Variants in RPS6KA3 observed in about 807,000 individuals in gnomAD.
RPS6KA3 encodes the protein ribosomal protein S6 kinase A3, also known as ribosomal protein S6 kinase alpha-3.
Under a neutral mutation model 67.2 loss-of-function variants are expected in RPS6KA3, and 4 were observed. The observed-to-expected ratio is 0.06, with a 90% CI of 0.03 to 0.14. The LOEUF (loss-of-function observed/expected upper bound fraction) is 0.14. Ranked by LOEUF, RPS6KA3 falls within the 10% of genes least tolerant of loss-of-function variation. RPS6KA3 has a pLI of 1.00. For synonymous variants in RPS6KA3, 182 were observed against 183.7 expected (o/e 0.99, Z 0.07); for missense variants, 204 against 559.0 (o/e 0.36, Z 6.40).
chrX:20,150,610 TTTAAA>T lies in RPS6KA3; in HGVS notation c.*4783_*4787del, dbSNP rs914641266. 11 of 112,513 alleles carry T rather than the reference TTTAAA, an allele frequency of 9.8e-5. No individual in the cohort carries two copies. The highest frequency in any genetic ancestry group is 3.6e-4 in the African/African-American group (11 of 30,930). The allele number at this position is 112,513 out of a possible 1,213,427, so 9.3% of individuals were successfully genotyped here. A position where few individuals can be genotyped will look rare whatever the true frequency, so the allele number is the denominator to read the frequency against. ...CTTGCTTTGTACGTGAAAGTTCTATTTTAAATACTTGTTTGAAAAACTCATTATAC... is the reference window on the plus strand; with the variant it reads ...CTTGCTTTGTACGTGAAAGTTCTATTTACTTGTTTGAAAAACTCATTATAC... On this transcript the variant is annotated 3_prime_UTR_variant, in exon 22 of 22. Transcript: ENST00000379565.
At chrX:20,225,535 C>T (rs190298928) in intron 2 of RPS6KA3, among the ~76,000 whole-genome samples, 145 of 111,222 alleles carry the variant, frequency 1.3e-3, no homozygotes, top group African/African-American at 4.6e-3. Context: ...AGAGTTAGAA[C>T]GGCAGACAAT....
chrX:20,172,912 T>G (rs1216688244), intron 14 of RPS6KA3, 41 bp from the exon 15 acceptor site: 2 of 1,132,647 alleles, frequency 1.8e-6, no homozygotes, highest in African/African-American at 3.6e-5. Context: ...CCATAATGCC[T>G]TTAGTGCATT....
At chrX:20,187,082 G>A (rs147825306) in intron 9 of RPS6KA3, among the ~76,000 whole-genome samples, 2,639 of 111,156 alleles carry the variant, frequency 0.024, 86 homozygotes, top group African/African-American at 0.082. Flanking sequence ...CGCCCAGCCT[G>A]ATTTTTGTAT....
chrX:20,242,613 A>T (rs1463236096), intron 1 of RPS6KA3, among the ~76,000 whole-genome samples: 3 of 112,033 alleles, frequency 2.7e-5, no homozygotes, highest in Non-Finnish European at 5.6e-5. Context: ...AAGAATAAAA[A>T]ATGTAAAATA....
intron 1 of RPS6KA3, among the ~76,000 whole-genome samples, chrX:20,238,561 TTTC>T (rs1189781695): frequency 9.0e-6 from 1 of 111,309 alleles, no homozygotes; most frequent in Non-Finnish European, 1.9e-5. Flanking sequence ...TACAATAAAC[TTTC>T]TTTTCTCAAA....
intron 2 of RPS6KA3, among the ~76,000 whole-genome samples, chrX:20,232,690 G>A (rs2069303115): frequency 8.9e-6 from 1 of 112,105 alleles, no homozygotes; most frequent in South Asian, 3.7e-4. Context: ...TAATAGACAT[G>A]GAGTTAATAT....
intron 1 of RPS6KA3, among the ~76,000 whole-genome samples, chrX:20,237,898 C>T (rs2069456999): frequency 9.0e-6 from 1 of 111,455 alleles, no homozygotes; most frequent in Non-Finnish European, 1.9e-5. Context: ...TACTACCTCA[C>T]TAGGCACTAT....
intron 20 of RPS6KA3, among the ~76,000 whole-genome samples, chrX:20,159,802 T>C (rs2067266040): frequency 8.9e-6 from 1 of 112,186 alleles, no homozygotes; most frequent in Non-Finnish European, 1.9e-5. Context: ...TAGCTAAGAA[T>C]TACTGCTCCA....
intron 14 of RPS6KA3, among the ~76,000 whole-genome samples, chrX:20,173,460 C>A (rs1427415977): frequency 8.9e-6 from 1 of 112,017 alleles, no homozygotes; most frequent in African/African-American, 3.2e-5. Context: ...TAGCCTTACA[C>A]AACTTATGCT....
At chrX:20,226,623 C>T (rs1348801806) in intron 2 of RPS6KA3, among the ~76,000 whole-genome samples, 1 of 112,159 alleles carries the variant, frequency 8.9e-6, no homozygotes, top group Non-Finnish European at 1.9e-5. Context: ...TTTGCCTGAT[C>T]ACACCAGTTA....
At chrX:20,160,569 G>A (rs1050460033) in intron 20 of RPS6KA3, among the ~76,000 whole-genome samples, 1 of 110,609 alleles carries the variant, frequency 9.0e-6, no homozygotes, top group Non-Finnish European at 1.9e-5. Flanking sequence ...TGGGATTACA[G>A]GCACCTGCTA....
intron 2 of RPS6KA3, among the ~76,000 whole-genome samples, chrX:20,224,705 C>G (rs1275129430): frequency 9.0e-6 from 1 of 111,282 alleles, no homozygotes; most frequent in Non-Finnish European, 1.9e-5. Context: ...TGAAGATGAT[C>G]AACTTGAAAC....
chrX:20,168,755 G>A (rs1195693324), intron 16 of RPS6KA3, among the ~76,000 whole-genome samples: 4 of 112,363 alleles, frequency 3.6e-5, no homozygotes, highest in Non-Finnish European at 7.5e-5. Flanking sequence ...AAAAATAACT[G>A]TACAAACATA....
chrX:20,258,516 C>T (rs2070135209), intron 1 of RPS6KA3, among the ~76,000 whole-genome samples: 1 of 111,689 alleles, frequency 9.0e-6, no homozygotes, highest in South Asian at 3.7e-4. Context: ...TTGACATCTG[C>T]TTCTAACACA....
intron 1 of RPS6KA3, among the ~76,000 whole-genome samples, chrX:20,235,946 T>TTATGG (rs1001670422): frequency 2.7e-5 from 3 of 111,611 alleles, no homozygotes; most frequent in Non-Finnish European, 5.7e-5. Context: ...GTTAAATATA[T>TTATGG]TATGGTACAT....
intron 14 of RPS6KA3, among the ~76,000 whole-genome samples, chrX:20,174,715 G>GA (rs930013975): frequency 4.5e-5 from 5 of 110,310 alleles, no homozygotes; most frequent in Non-Finnish European, 9.5e-5. Flanking sequence ...GATGACATAT[G>GA]AAAAAAATTC....
At chrX:20,185,314 A>G (rs1324632472) in intron 10 of RPS6KA3, among the ~76,000 whole-genome samples, 5 of 112,000 alleles carry the variant, frequency 4.5e-5, no homozygotes, top group Non-Finnish European at 9.4e-5. Context: ...CCTTGTATCC[A>G]GTAACTTTGC....
chrX:20,176,573 CTT>C (rs1035268369), intron 11 of RPS6KA3, 75 bp from the exon 12 acceptor site: 7 of 619,317 alleles, frequency 1.1e-5, no homozygotes, highest in African/African-American at 4.6e-5. Flanking sequence ...GTTTTCAATA[CTT>C]GTCTAATTAA....
intron 16 of RPS6KA3, among the ~76,000 whole-genome samples, chrX:20,169,161 T>TA (rs1569198220): frequency 2.7e-5 from 3 of 111,345 alleles, no homozygotes; most frequent in East Asian, 5.7e-4. Context: ...CCTGGCTAAT[T>TA]AAAAAAAAAT....
Sources: gnomAD v4.1 joint callset for allele counts (sites outside exome capture counted in the v4.1 genomes callset) on GRCh38, gnomAD v4.1.1 for gene constraint, MANE v1.5 for transcripts, NCBI Gene and HGNC (gene_info 2026-07-23, HGNC 2026-07-21) for gene names.